Variants in MATN2 observed in about 807,000 individuals in gnomAD.
MATN2 encodes matrilin 2, also known as matrilin-2.
Under a neutral mutation model 103.2 loss-of-function variants are expected in MATN2, and 69 were observed. The observed-to-expected ratio is 0.67, with a 90% CI of 0.55 to 0.82. The LOEUF is 0.82. Among genes scored for constraint, MATN2 ranks in the 40% least tolerant of loss-of-function variants. The pLI, the probability that MATN2 is intolerant of heterozygous loss-of-function variation, is 0.00. For synonymous variants in MATN2, 429 were observed against 450.2 expected, an observed-to-expected ratio of 0.95 and a Z score of 0.60; for missense variants, 1,023 against 1,211.5, an observed-to-expected ratio of 0.84 and a Z score of 2.31.
chr8:97,968,723 A>G (rs1811561556), intron 5 of MATN2, among the ~76,000 whole-genome samples: 1 of 152,192 alleles, frequency 6.6e-6, no homozygotes, highest in South Asian at 2.1e-4. Flanking sequence ...ATCTATTAGC[A>G]TTTTGGTCAC....
chr8:97,957,474 G>A (rs10955137), intron 4 of MATN2, among the ~76,000 whole-genome samples: 31,145 of 152,156 alleles, frequency 0.2, 3,726 homozygotes, highest in East Asian at 0.37. Flanking sequence ...CCTTGGGTCG[G>A]TACAAATCGC....
At chr8:97,940,848 G>A (rs2085144) in intron 3 of MATN2, among the ~76,000 whole-genome samples, 25,048 of 152,058 alleles carry the variant, frequency 0.16, 2,582 homozygotes, top group Middle Eastern at 0.24. Context: ...GTACCAGAAA[G>A]CTGAGGTACT....
chr8:98,024,548 T>C (rs1377735066), intron 13 of MATN2, among the ~76,000 whole-genome samples: 1 of 152,164 alleles, frequency 6.6e-6, no homozygotes, highest in Non-Finnish European at 1.5e-5. Flanking sequence ...ATGATCACTA[T>C]TGTAATCATC....
chr8:97,870,773 A>G (rs1311573258), intron 1 of MATN2, among the ~76,000 whole-genome samples: 3 of 152,154 alleles, frequency 2.0e-5, no homozygotes, highest in African/African-American at 7.2e-5. Flanking sequence ...TTGCTCCCAA[A>G]GGGCCAACCT....
intron 13 of MATN2, 34 bp from the exon 14 acceptor site, chr8:98,027,382 T>A (rs749246112): frequency 1.3e-6 from 2 of 1,532,050 alleles, no homozygotes. Flanking sequence ...TGATTTTTTA[T>A]TCAACTATGT....
intron 3 of MATN2, among the ~76,000 whole-genome samples, chr8:97,934,156 T>C (rs1810297894): frequency 6.6e-6 from 1 of 152,218 alleles, no homozygotes; most frequent in Non-Finnish European, 1.5e-5. Context: ...AAACCTACTT[T>C]GCAATTGGCA....
rs764012498 is a variant in MATN2, at chr8:98,016,659, A to G, written c.1693A>G (p.Arg565Gly). 6.2e-7 allele frequency: 1 copy of G among 1,611,146 alleles called. No individual in the cohort carries two copies. Among genetic ancestry groups the G allele is most frequent in the Admixed American group, 1.7e-5 (1 of 59,720 alleles). Residue 565 changes from arginine (R) to glycine (G), a missense_variant, in exon 11 of 19, where the codon AGA becomes GGA. Physicochemically the swap from Arg to Gly is moderately radical, Grantham distance 125 (BLOSUM62 -2). Transcript: ENST00000254898. Reference protein sequence around the residue: ...YILREDGKTCRRKDVCQAIDH... With the variant: ...YILREDGKTCGRKDVCQAIDH... ...ACTCCGTGAAGATGGAAAAACCTGC[A>G]GAAGTAAGTTTGTACTGGAGCTGGC...
In MATN2 at chr8:97,927,816, G is replaced by A. The variant is rs79531097; in HGVS notation, c.143-3137G>A. On this transcript the variant is annotated intron_variant, in intron 2 of 18. Transcript: ENST00000254898. Reference sequence around the variant, plus strand: ...CCCTTTAAATTGATTGTGATGCTTGGATAGATATTGACACCATGACTAAGA... The same window carrying A: ...CCCTTTAAATTGATTGTGATGCTTGAATAGATATTGACACCATGACTAAGA... Among the ~76,000 whole-genome samples, 17 of 152,276 alleles carry A rather than the reference G, an allele frequency of 1.1e-4. No individual in the cohort carries two copies. In the East Asian group the frequency reaches 3.1e-3, roughly 28 times the overall value.
intron 6 of MATN2, among the ~76,000 whole-genome samples, chr8:97,980,558 CTTTTTTTTT>C (rs71570278): frequency 2.4e-3 from 228 of 94,088 alleles, no homozygotes; most frequent in Non-Finnish European, 3.6e-3. Flanking sequence ...TTATTCTTTC[CTTTTTTTTT>C]TTTTTTTTTT....
At position 97,931,270 on chromosome 8, in the gene MATN2, G is replaced by A. The variant is rs775044061; in HGVS notation, c.460G>A (p.Ala154Thr). 66 of 1,613,814 alleles carry A rather than the reference G, an allele frequency of 4.1e-5. No homozygotes were observed. The highest frequency in any genetic ancestry group is 5.4e-5 in the Non-Finnish European group (64 of 1,179,890). The change falls in exon 3 of 19, where the codon GCC becomes ACC. Residue 154 changes from alanine (A) to threonine (T), a missense_variant. By Grantham distance (58) the Ala-to-Thr change is moderately conservative (BLOSUM62 0). Coordinates refer to ENST00000254898, the MANE Select transcript of MATN2 (RefSeq NM_002380.5). The surrounding 1 kb of genome is among the most constrained non-coding windows in gnomAD (Gnocchi z 4.1). The part of the protein sequence containing the change: ...LNIAFSEAEG[A>T]RPLRENVPRV... ...CATCGCATTCTCAGAAGCAGAGGGGGCCCGGCCCCTGAGGGAGAATGTGCC... is the reference window on the plus strand; with the variant it reads ...CATCGCATTCTCAGAAGCAGAGGGGACCCGGCCCCTGAGGGAGAATGTGCC...
intron 6 of MATN2, among the ~76,000 whole-genome samples, chr8:97,985,648 T>C (rs1419026602): frequency 6.6e-6 from 1 of 152,218 alleles, no homozygotes; most frequent in East Asian, 1.9e-4. Context: ...TACAGGTTCA[T>C]TGAGGGAAAC....
intron 2 of MATN2, among the ~76,000 whole-genome samples, chr8:97,894,921 G>A (rs1818759081): frequency 6.6e-6 from 1 of 151,560 alleles, no homozygotes; most frequent in South Asian, 2.1e-4. Flanking sequence ...CACCCAGGCT[G>A]GAGTGCAGTG....
In MATN2 at chr8:98,035,724, C is replaced by A. The variant is rs539890541; in HGVS notation, c.*12C>A. 1.9e-6 allele frequency: 3 copies of A among 1,584,496 alleles called. No homozygotes were observed. The highest frequency in any genetic ancestry group is 2.3e-5 in the South Asian group (2 of 87,572). ...TGAGATACAGATGAAGATTAGAAAT[C>A]GCGACACATTTGTAGTCATTGTATC... is the stretch of plus-strand genomic sequence containing the variant. On this transcript the variant is annotated 3_prime_UTR_variant, in exon 19 of 19. Transcript: ENST00000254898.
At chr8:97,909,846 T>G (rs7016027) in intron 2 of MATN2, among the ~76,000 whole-genome samples, 5 of 151,350 alleles carry the variant, frequency 3.3e-5, no homozygotes, top group Admixed American at 2.0e-4. Flanking sequence ...TACAGTGGCG[T>G]GATCTTGGCT....
At chr8:97,995,968 T>C (rs1812570699) in intron 7 of MATN2, among the ~76,000 whole-genome samples, 2 of 152,184 alleles carry the variant, frequency 1.3e-5, no homozygotes, top group African/African-American at 4.8e-5. Context: ...AGGGCCAACT[T>C]TTCTGGTCTG....
At chr8:97,992,958 T>TAATAAC (rs1199866765) in intron 6 of MATN2, among the ~76,000 whole-genome samples, 19 of 146,030 alleles carry the variant, frequency 1.3e-4, no homozygotes, top group Non-Finnish European at 1.6e-4. Flanking sequence ...ATAATAATAA[T>TAATAAC]AACAACAATA....
In MATN2 at chr8:98,016,583, G is replaced by A. The variant is rs79255841; in HGVS notation, c.1617G>A (p.Ser539=). The change falls in exon 11 of 19, where the codon TCG becomes TCA. Residue 539 remains serine (S), a synonymous_variant. Coordinates refer to ENST00000254898, the MANE Select transcript of MATN2 (RefSeq NM_002380.5). ...TGGGGGACCACGGTTGTGAACATTCGTGTGTAAGCAGTGAAGATTCGTTTG... is the reference window on the plus strand; with the variant it reads ...TGGGGGACCACGGTTGTGAACATTCATGTGTAAGCAGTGAAGATTCGTTTG... The part of the protein sequence containing the change: ...CALGDHGCEH[S]CVSSEDSFVC... 8,025 of 1,611,364 alleles carry A rather than the reference G, an allele frequency of 5.0e-3. 328 individuals carry two copies. In the African/African-American group the frequency reaches 0.092, roughly 18 times the overall value.
chr8:97,906,712 C>T (rs1408060594), intron 2 of MATN2, among the ~76,000 whole-genome samples: 1 of 152,204 alleles, frequency 6.6e-6, no homozygotes, highest in African/African-American at 2.4e-5. Flanking sequence ...GATCAAACTC[C>T]ATATTCAGTT....
chr8:98,021,782 C>T (rs889204718), intron 13 of MATN2, among the ~76,000 whole-genome samples: 1 of 151,148 alleles, frequency 6.6e-6, no homozygotes, highest in African/African-American at 2.4e-5. Context: ...AATTTAAAAG[C>T]CATAAAAGAA....
Sources: gnomAD v4.1 joint callset for allele counts (sites outside exome capture counted in the v4.1 genomes callset) on GRCh38, gnomAD v4.1.1 for gene constraint, Gnocchi (gnomAD v3.1) non-coding constraint, MANE v1.5 for transcripts, NCBI Gene and HGNC (gene_info 2026-07-23, HGNC 2026-07-21) for gene names.